The following C14orf93 variants were observed in gnomAD, a reference collection of about 807,000 sequenced individuals.
C14orf93 encodes uncharacterized protein C14orf93.
C14orf93 carries 23 observed loss-of-function variants against 44.0 expected under a neutral mutation model. The ratio of observed to expected loss-of-function variants is 0.52; its 90% CI spans 0.38 to 0.74. The LOEUF is 0.74. Among genes scored for constraint, C14orf93 ranks in the 30% least tolerant of loss-of-function variants. The pLI, the probability that C14orf93 is intolerant of heterozygous loss-of-function variation, is 0.00. For synonymous variants in C14orf93, 253 were observed against 265.7 expected (o/e 0.95, Z 0.46); for missense variants, 579 against 678.9 (o/e 0.85, Z 1.64).
intron 5 of C14orf93, 126 bp downstream of exon 5, chr14:22,989,616 T>C (rs541553293): frequency 5.8e-4 from 398 of 689,232 alleles, no homozygotes; most frequent in Non-Finnish European, 8.9e-4. Context: ...CAAAAAATGT[T>C]TCAAATCCAC....
At chr14:23,004,280 G>A (rs942088007) in intron 1 of C14orf93, among the ~76,000 whole-genome samples, 21 of 150,544 alleles carry the variant, frequency 1.4e-4, no homozygotes, top group Non-Finnish European at 2.2e-4. Flanking sequence ...GCACGATTTC[G>A]GCTCACTGCA....
At chr14:23,001,117 T>TA (rs1350055941) in intron 1 of C14orf93, 1 of 152,224 alleles carries the variant, frequency 6.6e-6, no homozygotes, top group Non-Finnish European at 1.5e-5. Flanking sequence ...ATGAATCACT[T>TA]ATGTATTCTT....
intron 3 of C14orf93, chr14:22,994,198 A>G (rs1164224984): frequency 6.6e-6 from 1 of 152,212 alleles, no homozygotes; most frequent in Non-Finnish European, 1.5e-5. Flanking sequence ...CATTATAGTC[A>G]ATATGAACAT....
chr14:22,998,443 G>T lies in C14orf93; in HGVS notation c.581C>A (p.Ala194Asp), dbSNP rs1015725666. The T allele has an allele frequency of 6.3e-7, 1 of 1,577,022 alleles. No individual in the cohort carries two copies. The highest frequency in any genetic ancestry group is 1.2e-5 in the South Asian group (1 of 86,804). ...PGCTLAASEA[A>D]PLLNPLVDDY... The stretch of plus-strand genomic sequence containing the variant: ...CATACTCACAGGATTGAGCAGGGGG[G>T]CCGCCTCGCTGGCAGCCAGCGTGCA... Residue 194 changes from alanine (A) to aspartate (D), a missense_variant, in exon 2 of 7, where the codon GCC (alanine) becomes GAC (aspartate). Ala to Asp is a moderately radical substitution (Grantham distance 126, BLOSUM62 -2). Coordinates refer to ENST00000299088, the MANE Select transcript of C14orf93 (RefSeq NM_021944.4).
Position 22,999,089 on chromosome 14 carries a change from C to T in C14orf93, c.-66G>A. 1 of 1,524,844 alleles carries T rather than the reference C, an allele frequency of 6.6e-7. No homozygotes were observed. The highest frequency in any genetic ancestry group is 8.8e-7 in the Non-Finnish European group (1 of 1,141,028). 94.5% of individuals were successfully genotyped at this position (1,524,844 alleles called of 1,614,324 possible). The stretch of plus-strand genomic sequence containing the variant: ...CGCTCCAACAGGTAGGAAGCATCAA[C>T]TTCTCTGGACTCACTTTCCTTTCTC... On this transcript the variant is annotated 5_prime_UTR_variant, in exon 2 of 7. Transcript: ENST00000299088.
intron 3 of C14orf93, among the ~76,000 whole-genome samples, chr14:22,995,148 G>T (rs1218157955): frequency 6.6e-6 from 1 of 152,170 alleles, no homozygotes; most frequent in Non-Finnish European, 1.5e-5. Flanking sequence ...TCCCTTCCTG[G>T]CTAAGAGCTC....
chr14:22,987,822 C>G lies in C14orf93; in HGVS notation c.1197+81G>C. On this transcript the variant is annotated intron_variant, in intron 6 of 6. Coordinates refer to ENST00000299088, the MANE Select transcript of C14orf93 (RefSeq NM_021944.4). This position sits in a 1 kb window ranked among gnomAD's most constrained non-coding sequence, Gnocchi z 5.6. ...CATTCCTGGCTCTCAACCCTATTCT[C>G]ATATGCCATGTCCTCTGGCCCTTCC... 1 of 1,292,494 alleles carries G rather than the reference C, an allele frequency of 7.7e-7. No homozygotes were observed. The highest frequency in any genetic ancestry group is 1.1e-6 in the Non-Finnish European group (1 of 911,446). The allele number at this position is 1,292,494 out of a possible 1,614,324, so 80.1% of individuals were successfully genotyped here. A position where few individuals can be genotyped will look rare whatever the true frequency, so the allele number is the denominator to read the frequency against.
chr14:22,995,819 A>G, intron 3 of C14orf93, 129 bp downstream of exon 3: 1 of 812,198 alleles, frequency 1.2e-6, no homozygotes, highest in Non-Finnish European at 1.8e-6. Flanking sequence ...CTCTCTCCTT[A>G]TCCCTCCCAC....
At chr14:22,995,832 TG>T in intron 3 of C14orf93, 115 bp downstream of exon 3, 1 of 962,550 alleles carries the variant, frequency 1.0e-6, no homozygotes, top group Non-Finnish European at 1.5e-6. Context: ...CCTCCCACTC[TG>T]GTAGGATTCA....
At chr14:22,989,912 C>T in intron 4 of C14orf93, 67 bp from the exon 5 acceptor site, 1 of 1,478,474 alleles carries the variant, frequency 6.8e-7, no homozygotes, top group Non-Finnish European at 9.5e-7. Context: ...CAGAGATACC[C>T]AGCACTAATC....
intron 1 of C14orf93, among the ~76,000 whole-genome samples, chr14:23,008,243 G>A (rs2046734829): frequency 6.6e-6 from 1 of 151,740 alleles, no homozygotes; most frequent in Non-Finnish European, 1.5e-5. Flanking sequence ...AGAAATGCAG[G>A]TCTGAAATTG....
chr14:22,999,608 TTA>T (rs1422924697), intron 1 of C14orf93, among the ~76,000 whole-genome samples: 1 of 152,132 alleles, frequency 6.6e-6, no homozygotes, highest in South Asian at 2.1e-4. Flanking sequence ...TGTGGAGAAG[TTA>T]TATGTCTTTT....
intron 3 of C14orf93, 97 bp from the exon 4 acceptor site, chr14:22,990,224 C>T: frequency 2.0e-6 from 2 of 1,022,154 alleles, no homozygotes; most frequent in South Asian, 1.5e-5. Flanking sequence ...CCCTAAGGGG[C>T]TCTCTGCCTG....
intron 1 of C14orf93, among the ~76,000 whole-genome samples, chr14:23,003,857 CATATATATATATATATATATATATAT>C (rs1176882717): frequency 5.3e-5 from 1 of 19,032 alleles, no homozygotes; most frequent in Non-Finnish European, 9.1e-5. Context: ...CTAATATATT[CATATATATATATATATATATATATAT>C]ATATATATAT....
At chr14:22,994,541 G>C (rs1211592878) in intron 3 of C14orf93, among the ~76,000 whole-genome samples, 1 of 150,250 alleles carries the variant, frequency 6.7e-6, no homozygotes, top group East Asian at 2.0e-4. Context: ...GCTTTTGTGA[G>C]ACCAGCCTGG....
chr14:22,987,378 G>A lies in C14orf93; in HGVS notation c.1454C>T (p.Ala485Val). Residue 485 changes from alanine to valine, a missense_variant, in exon 7 of 7, where the codon GCC becomes GTC. Coordinates refer to ENST00000299088, the MANE Select transcript of C14orf93 (RefSeq NM_021944.4). This position sits in a 1 kb window ranked among gnomAD's most constrained non-coding sequence, Gnocchi z 5.6. The stretch of plus-strand genomic sequence containing the variant: ...GTAAAGTTCTGGTGGAAGGAGCTGG[G>A]CTTCAGCAGAAGGCAGTCTGTCTGA... ...PPSDRLPSAE[A>V]QLLPPELYNP... The A allele has an allele frequency of 6.2e-7, 1 of 1,614,240 alleles. No homozygotes were observed. The highest frequency in any genetic ancestry group is 2.2e-5 in the East Asian group (1 of 44,890).
rs1443375714 is a variant in C14orf93 at position 22,987,191 on chromosome 14, CAG to C, written c.*22_*23del. 3.2e-6 allele frequency: 5 copies of C among 1,583,934 alleles called. No individual in the cohort carries two copies. In the African/African-American group the frequency reaches 4.0e-5, roughly 13 times the overall value. ...CTGAGACATGGGGCATGGCGGAAGCCAGAGTTATTCTTGGCTGTAGATTTTAT... is the reference window on the plus strand; with the variant it reads ...CTGAGACATGGGGCATGGCGGAAGCCAGTTATTCTTGGCTGTAGATTTTAT... On this transcript the variant is annotated 3_prime_UTR_variant, in exon 7 of 7. Coordinates refer to ENST00000299088, the MANE Select transcript of C14orf93 (RefSeq NM_021944.4). This position sits in a 1 kb window ranked among gnomAD's most constrained non-coding sequence, Gnocchi z 5.6.
rs188747236 is a variant in C14orf93, at chr14:22,991,054, A to G, written c.919-927T>C. Among the ~76,000 whole-genome samples the G allele has an allele frequency of 3.0e-3, 446 of 149,516 alleles. 13 individuals carry two copies. The South Asian group carries it at 0.053, about 18-fold the overall frequency. ...AGGATGGTCACAATCTCCTGACCTC[A>G]TGATCTGCCCGCCTCGGCCTCCCAA... is the stretch of plus-strand genomic sequence containing the variant. On this transcript the variant is annotated intron_variant, in intron 3 of 6. Transcript: ENST00000299088.
At position 22,998,546 on chromosome 14, in the gene C14orf93, G is replaced by A. The variant is rs149459821; in HGVS notation, c.478C>T (p.Arg160Trp). Residue 160 changes from arginine (R) to tryptophan (W), a missense_variant, in exon 2 of 7, where the codon CGG (arginine) becomes TGG (tryptophan). Coordinates refer to ENST00000299088, the MANE Select transcript of C14orf93 (RefSeq NM_021944.4). The stretch of plus-strand genomic sequence containing the variant: ...CCCACTGAGGCTGCTCCCAGCTGCC[G>A]CAGCTCCTCAATCACCACCTGCACG... ...SGVQVVIEEL[R>W]QLGAASVGPG... 1,486 of 1,613,820 alleles carry A rather than the reference G, an allele frequency of 9.2e-4. 3 individuals carry two copies. The highest frequency in any genetic ancestry group is 1.1e-3 in the Non-Finnish European group (1,260 of 1,179,924).
Sources: allele counts gnomAD v4.1 joint callset (sites outside exome capture counted in the v4.1 genomes callset), GRCh38; gene constraint gnomAD v4.1.1; non-coding constraint Gnocchi (gnomAD v3.1); transcripts MANE v1.5; gene names NCBI Gene and HGNC (gene_info 2026-07-23, HGNC 2026-07-21).